The following UBE4A variants were observed in gnomAD, a reference collection of about 807,000 sequenced individuals.
UBE4A encodes the protein ubiquitination factor E4A.
Under a neutral mutation model 117.9 loss-of-function variants are expected in UBE4A, and 48 were observed. The ratio of observed to expected loss-of-function variants is 0.41; its 90% CI spans 0.32 to 0.52. The LOEUF (loss-of-function observed/expected upper bound fraction) is 0.52, where lower values mean the gene tolerates loss of function less well. Ranked by LOEUF, UBE4A falls within the 20% of genes least tolerant of loss-of-function variation. The pLI, the probability that UBE4A is intolerant of heterozygous loss-of-function variation, is 0.33. For missense variants in UBE4A, 1,067 were observed against 1,296.3 expected (o/e 0.82, Z 2.72); for synonymous variants, 407 against 450.0 (o/e 0.90, Z 1.21).
intron 1 of UBE4A, among the ~76,000 whole-genome samples, chr11:118,362,272 G>A (rs903166550): frequency 3.3e-5 from 5 of 152,094 alleles, no homozygotes; most frequent in Non-Finnish European, 4.4e-5. Context: ...CCAGGTGCAC[G>A]CCACCATGCC....
At chr11:118,364,574 A>C (rs900735732) in intron 1 of UBE4A, among the ~76,000 whole-genome samples, 2 of 152,070 alleles carry the variant, frequency 1.3e-5, no homozygotes, top group African/African-American at 4.8e-5. Context: ...ATCCATCCCC[A>C]GCCCTAAGTC....
intron 18 of UBE4A, among the ~76,000 whole-genome samples, chr11:118,391,374 A>G (rs1341056076): frequency 2.0e-5 from 3 of 151,880 alleles, no homozygotes; most frequent in Non-Finnish European, 4.4e-5. Context: ...CTGTAATCCC[A>G]GCTACTCGGG....
intron 1 of UBE4A, among the ~76,000 whole-genome samples, chr11:118,364,057 C>G (rs926572857): frequency 3.3e-5 from 5 of 152,084 alleles, no homozygotes; most frequent in African/African-American, 1.2e-4. Flanking sequence ...AGTTCAAGAT[C>G]CTTATGAACA....
intron 19 of UBE4A, among the ~76,000 whole-genome samples, chr11:118,393,721 G>A (rs550065681): frequency 1.3e-4 from 19 of 151,848 alleles, no homozygotes; most frequent in Admixed American, 7.2e-4. Flanking sequence ...TCAGCCTCCC[G>A]AATAGCTGAG....
chr11:118,359,737 G>C (rs1311815583), intron 1 of UBE4A, 63 bp downstream of exon 1: 1 of 152,278 alleles, frequency 6.6e-6, no homozygotes, highest in Non-Finnish European at 1.5e-5. Flanking sequence ...ATTTTCTGCT[G>C]GTCCAATGCC....
chr11:118,371,830 T>C (rs1050488682), intron 5 of UBE4A, among the ~76,000 whole-genome samples, 164 bp downstream of exon 5: 1 of 152,226 alleles, frequency 6.6e-6, no homozygotes, highest in Admixed American at 6.5e-5. Flanking sequence ...ATATATGTCA[T>C]AGTATGTTTA....
At chr11:118,380,128 T>TGTGC (rs1383966763) in intron 11 of UBE4A, among the ~76,000 whole-genome samples, 30 of 68,408 alleles carry the variant, frequency 4.4e-4, no homozygotes, top group African/African-American at 1.1e-3. Flanking sequence ...TGTGTGTGTG[T>TGTGC]GTGTGCGTGT....
At chr11:118,373,346 C>T in intron 7 of UBE4A, 58 bp downstream of exon 7, 1 of 1,580,726 alleles carries the variant, frequency 6.3e-7, no homozygotes, top group Non-Finnish European at 8.6e-7. Context: ...CATGATGCTT[C>T]CCTATCCTGA....
At chr11:118,371,332 A>G (rs1193551320) in intron 4 of UBE4A, among the ~76,000 whole-genome samples, 182 bp from the exon 5 acceptor site, 2 of 152,140 alleles carry the variant, frequency 1.3e-5, no homozygotes, top group South Asian at 2.1e-4. Context: ...ATAACTTTAT[A>G]TATGCCATAA....
intron 19 of UBE4A, among the ~76,000 whole-genome samples, chr11:118,395,788 T>C (rs1346084166): frequency 2.0e-5 from 3 of 152,124 alleles, no homozygotes; most frequent in Admixed American, 6.5e-5. Context: ...TATTAAGAAA[T>C]AGAGGCCAGG....
chr11:118,360,954 G>GA (rs960441954), intron 1 of UBE4A, among the ~76,000 whole-genome samples: 14 of 148,270 alleles, frequency 9.4e-5, no homozygotes, highest in Admixed American at 3.4e-4. Flanking sequence ...TTGAAAATAG[G>GA]AAAAAAAATA....
Position 118,384,947 on chromosome 11 carries a change from T to TAAAAAAAAA in UBE4A, c.2412+15_2412+23dup. On this transcript the variant is annotated splice_region_variant and intron_variant, in intron 15 of 19. Transcript: ENST00000252108. Reference sequence around the variant, plus strand: ...TTCCTTTTGGATGAAGCCATACAGGTAAAAAAAAAAAAAAAAAAAAAGATT... The same window carrying TAAAAAAAAA: ...TTCCTTTTGGATGAAGCCATACAGGTAAAAAAAAAAAAAAAAAAAAAAAAAAAAAAGATT... 1.1e-6 allele frequency: 1 copy of TAAAAAAAAA among 879,592 alleles called. No individual in the cohort carries two copies. The highest frequency in any genetic ancestry group is 1.5e-6 in the Non-Finnish European group (1 of 655,242). 54.5% of individuals were successfully genotyped at this position (879,592 alleles called of 1,614,324 possible).
At chr11:118,383,672 C>A (rs1324990576) in intron 13 of UBE4A, among the ~76,000 whole-genome samples, 1 of 150,706 alleles carries the variant, frequency 6.6e-6, no homozygotes, top group African/African-American at 2.4e-5. Context: ...TTAAACAGTA[C>A]CCTGTCTCAA....
intron 4 of UBE4A, among the ~76,000 whole-genome samples, chr11:118,370,115 A>G (rs1565530483): frequency 6.6e-6 from 1 of 151,928 alleles, no homozygotes; most frequent in Non-Finnish European, 1.5e-5. Flanking sequence ...AAAAAATTAC[A>G]AAGCCTTGCC....
rs782730929 is a variant in UBE4A, at chr11:118,379,454, A to G, written c.1580A>G (p.Asp527Gly). The change falls in exon 11 of 20, where the codon GAT becomes GGT. Residue 527 changes from aspartate (D) to glycine (G), a missense_variant. Transcript: ENST00000252108. ...TGCTTTCTTGGGGGCAGGTTGCATG[A>G]TCAGATGGTAAAAATCAACCAAAAT... The part of the protein sequence containing the change: ...TLYLGFHRLH[D>G]QMVKINQNLH... The G allele has an allele frequency of 2.1e-5, 34 of 1,611,972 alleles. No homozygotes were observed. Among genetic ancestry groups the G allele is most frequent in the Non-Finnish European group, 2.9e-5 (34 of 1,178,610 alleles).
At chr11:118,368,373 CTT>C (rs923571104) in intron 2 of UBE4A, among the ~76,000 whole-genome samples, 1 of 152,138 alleles carries the variant, frequency 6.6e-6, no homozygotes, top group Non-Finnish European at 1.5e-5. Context: ...GAGAAGATAA[CTT>C]TGCTATTTCT....
rs1948889255 is a variant in UBE4A at position 118,397,833 on chromosome 11, C to T, written c.*1393C>T. Reference sequence around the variant, plus strand: ...TCAACACAAGTTGCTATAAGCAGTCCTTGATGGGTTTTTGATTGCATCAGC... The same window carrying T: ...TCAACACAAGTTGCTATAAGCAGTCTTTGATGGGTTTTTGATTGCATCAGC... On this transcript the variant is annotated 3_prime_UTR_variant, in exon 20 of 20. Coordinates refer to ENST00000252108, the MANE Select transcript of UBE4A (RefSeq NM_001204077.2). The T allele has an allele frequency of 6.6e-6, 1 of 152,054 alleles. No individual in the cohort carries two copies. The highest frequency in any genetic ancestry group is 6.5e-5 in the Admixed American group (1 of 15,280). The allele number at this position is 152,054 out of a possible 1,614,324, so 9.4% of individuals were successfully genotyped here. A position where few individuals can be genotyped will look rare whatever the true frequency, so the allele number is the denominator to read the frequency against.
At chr11:118,391,112 CAGAT>C (rs1457304500) in intron 18 of UBE4A, among the ~76,000 whole-genome samples, 1 of 151,622 alleles carries the variant, frequency 6.6e-6, no homozygotes, top group Non-Finnish European at 1.5e-5. Flanking sequence ...AAAATATAAA[CAGAT>C]GGTTCTTTTT....
chr11:118,379,321 CTG>C (rs1555125866), intron 10 of UBE4A, 123 bp from the exon 11 acceptor site: 1 of 1,088,108 alleles, frequency 9.2e-7, no homozygotes, highest in African/African-American at 1.6e-5. Context: ...TGAGTGCCTT[CTG>C]TGTCATTGCA....
Sources: gnomAD v4.1 joint callset for allele counts (sites outside exome capture counted in the v4.1 genomes callset) on GRCh38, gnomAD v4.1.1 for gene constraint, MANE v1.5 for transcripts, NCBI Gene and HGNC (gene_info 2026-07-23, HGNC 2026-07-21) for gene names.